Variants in CSMD2 observed in about 807,000 individuals in gnomAD.
The protein encoded by CSMD2 is CUB and Sushi multiple domains 2.
CSMD2 carries 130 observed loss-of-function variants against 398.5 expected under a neutral mutation model. That is an observed-to-expected ratio of 0.33 (90% confidence interval 0.28 to 0.38). The LOEUF is 0.38. CSMD2 is among the 10% of genes least tolerant of loss of function. The pLI, the probability that CSMD2 is intolerant of heterozygous loss-of-function variation, is 1.00. For synonymous variants in CSMD2, 1,828 were observed against 1,908.5 expected (o/e 0.96, Z 1.10); for missense variants, 3,829 against 4,764.9 (o/e 0.80, Z 5.78).
At chr1:33,756,749 TGA>T (rs200057666) in intron 13 of CSMD2, among the ~76,000 whole-genome samples, 2,897 of 152,278 alleles carry the variant, frequency 0.019, 35 homozygotes, top group South Asian at 0.03. Flanking sequence ...TTAAAAATCA[TGA>T]GAGTCCAGGG....
chr1:34,018,915 C>T (rs1400568241), intron 3 of CSMD2, among the ~76,000 whole-genome samples: 2 of 152,268 alleles, frequency 1.3e-5, no homozygotes, highest in Admixed American at 6.5e-5. Flanking sequence ...GACACTGCTC[C>T]CTATTATAGT....
At chr1:34,033,075 T>C (rs1415181468) in intron 2 of CSMD2, among the ~76,000 whole-genome samples, 5 of 152,228 alleles carry the variant, frequency 3.3e-5, no homozygotes, top group African/African-American at 9.6e-5. Context: ...AGACAATATT[T>C]ATTCACATAG....
chr1:33,876,548 G>A (rs750588896), intron 5 of CSMD2, among the ~76,000 whole-genome samples: 6 of 152,280 alleles, frequency 3.9e-5, no homozygotes, highest in East Asian at 1.9e-4. Context: ...TAAGTCCCTC[G>A]CATGTATTTA....
intron 29 of CSMD2, among the ~76,000 whole-genome samples, chr1:33,641,000 A>T (rs1180411180): frequency 6.6e-6 from 1 of 152,122 alleles, no homozygotes; most frequent in Non-Finnish European, 1.5e-5. Context: ...GTGTTCTTTC[A>T]GATTCTCTAA....
intron 3 of CSMD2, among the ~76,000 whole-genome samples, chr1:33,983,933 A>G (rs1646258019): frequency 6.6e-6 from 1 of 152,128 alleles, no homozygotes. Context: ...CAGGTGGATC[A>G]CCTAAGGTCA....
At chr1:33,690,650 T>C (rs1245403107) in intron 25 of CSMD2, among the ~76,000 whole-genome samples, 1 of 152,148 alleles carries the variant, frequency 6.6e-6, no homozygotes, top group African/African-American at 2.4e-5. Flanking sequence ...TAAAGTGAAA[T>C]AGTCATTATG....
At chr1:33,724,162 A>G (rs755138386) in intron 19 of CSMD2, 35 bp downstream of exon 19, 3 of 1,495,156 alleles carry the variant, frequency 2.0e-6, no homozygotes, top group Non-Finnish European at 2.8e-6. Context: ...TGACCTCGTC[A>G]CATCCCAATG....
chr1:33,714,702 C>T lies in CSMD2; in HGVS notation c.3291G>A (p.Val1097=). ...YSIRKGLQFG[V]GDTLTFSCFP... ...AGCAGGAGAAGGTCAAGGTGTCGCC[C>T]ACGCCAAACTGCAAGCCCTTCCGGA... Residue 1097 remains valine (V), a synonymous_variant, in exon 21 of 71, where the codon GTG becomes GTA. Transcript: ENST00000373381. The T allele has an allele frequency of 1.2e-6, 2 of 1,614,136 alleles. No homozygotes were observed. The highest frequency in any genetic ancestry group is 1.7e-6 in the Non-Finnish European group (2 of 1,180,044).
chr1:33,877,356 T>C (rs1640909888), intron 5 of CSMD2, among the ~76,000 whole-genome samples: 1 of 152,118 alleles, frequency 6.6e-6, no homozygotes, highest in Non-Finnish European at 1.5e-5. Flanking sequence ...CCCCCTCCAG[T>C]CCTTGTCCCA....
At chr1:33,995,309 G>A (rs888212797) in intron 3 of CSMD2, among the ~76,000 whole-genome samples, 18 of 152,290 alleles carry the variant, frequency 1.2e-4, no homozygotes, top group African/African-American at 3.9e-4. Context: ...GGGGTCTTTG[G>A]CTTTACCAAA....
chr1:34,090,448 C>G (rs538317268), intron 1 of CSMD2, among the ~76,000 whole-genome samples: 31 of 152,310 alleles, frequency 2.0e-4, no homozygotes, highest in Middle Eastern at 3.4e-3. Context: ...CTCACAACGT[C>G]ATGATCCAGG....
At chr1:33,943,902 ATATAT>A (rs1212302182) in intron 3 of CSMD2, among the ~76,000 whole-genome samples, 3 of 146,608 alleles carry the variant, frequency 2.0e-5, no homozygotes, top group Non-Finnish European at 3.0e-5. Context: ...ATAATAAAAT[ATATAT>A]TATATATTAA....
intron 10 of CSMD2, among the ~76,000 whole-genome samples, chr1:33,805,964 A>G (rs1656181405): frequency 6.6e-6 from 1 of 152,090 alleles, no homozygotes; most frequent in Non-Finnish European, 1.5e-5. Flanking sequence ...CAGTGAATGG[A>G]GGAATCTAAA....
chr1:33,620,070 G>C (rs994679553), intron 37 of CSMD2, among the ~76,000 whole-genome samples: 3 of 152,148 alleles, frequency 2.0e-5, no homozygotes, highest in African/African-American at 7.2e-5. Context: ...GAAAAATGGA[G>C]GGGGATATAG....
chr1:33,838,002 C>G (rs1660481865), intron 6 of CSMD2, among the ~76,000 whole-genome samples: 1 of 152,220 alleles, frequency 6.6e-6, no homozygotes, highest in Non-Finnish European at 1.5e-5. Flanking sequence ...CTGGGCTGAG[C>G]TAGTGGGAGA....
intron 51 of CSMD2, among the ~76,000 whole-genome samples, chr1:33,570,024 G>T (rs1425241890): frequency 2.0e-5 from 3 of 152,324 alleles, no homozygotes; most frequent in South Asian, 4.1e-4. Flanking sequence ...AATCGCCAAG[G>T]CTGCACTGAA....
At chr1:33,753,096 GA>G (rs1201986619) in intron 13 of CSMD2, among the ~76,000 whole-genome samples, 1 of 152,198 alleles carries the variant, frequency 6.6e-6, no homozygotes, top group African/African-American at 2.4e-5. Flanking sequence ...TTTGCAACCT[GA>G]CCCTGTGGTA....
chr1:33,571,353 G>C (rs1401070514), intron 51 of CSMD2, among the ~76,000 whole-genome samples, 179 bp downstream of exon 51: 1 of 152,196 alleles, frequency 6.6e-6, no homozygotes, highest in Non-Finnish European at 1.5e-5. Flanking sequence ...CTTCCTTAAA[G>C]GAGTAAAGGA....
At chr1:33,551,647 T>G (rs538726954) in intron 55 of CSMD2, among the ~76,000 whole-genome samples, 1 of 152,312 alleles carries the variant, frequency 6.6e-6, no homozygotes, top group South Asian at 2.1e-4. Context: ...GGTCTTAATA[T>G]GGGTCAAACA....
Sources: gnomAD v4.1 joint callset for allele counts (sites outside exome capture counted in the v4.1 genomes callset) on GRCh38, gnomAD v4.1.1 for gene constraint, MANE v1.5 for transcripts, NCBI Gene and HGNC (gene_info 2026-07-23, HGNC 2026-07-21) for gene names.